The following OR4E2 variants were observed in gnomAD, a reference collection of about 807,000 sequenced individuals.
OR4E2 encodes olfactory receptor family 4 subfamily E member 2.
OR4E2 carries 9 observed loss-of-function variants against 11.0 expected under a neutral mutation model. The ratio of observed to expected loss-of-function variants is 0.82; its 90% confidence interval spans 0.49 to 1.43. OR4E2 has a LOEUF of 1.43. Ranked by LOEUF, OR4E2 falls within the 40% of genes most tolerant of loss-of-function variation. OR4E2 has a pLI of 0.00. For synonymous variants in OR4E2, 159 were observed against 147.3 expected, an observed-to-expected ratio of 1.08 and a Z score of -0.57; for missense variants, 441 against 382.0, an observed-to-expected ratio of 1.15 and a Z score of -1.29.
At chr14:21,658,407 A>G (rs1027637929) in intron 2 of OR4E2, among the ~76,000 whole-genome samples, 1 of 152,206 alleles carries the variant, frequency 6.6e-6, no homozygotes. Context: ...TTACAAATCC[A>G]TTTGAGGCTA....
chr14:21,654,413 CAT>C (rs1263305700), intron 1 of OR4E2, among the ~76,000 whole-genome samples: 1 of 124,168 alleles, frequency 8.1e-6, no homozygotes, highest in African/African-American at 2.8e-5. Flanking sequence ...CACACACACA[CAT>C]GCACACACAC....
intron 2 of OR4E2, among the ~76,000 whole-genome samples, chr14:21,657,337 GCTTCCTTCCTTCCTTC>G (rs544921356): frequency 2.8e-4 from 31 of 112,398 alleles, no homozygotes; most frequent in Middle Eastern, 4.3e-3. Flanking sequence ...GATGTTAAAT[GCTTCCTTCCTTCCTTC>G]CTTCCTTCCT....
At chr14:21,660,561 C>G (rs1043980883) in intron 2 of OR4E2, 92 bp from the exon 3 acceptor site, 1 of 151,826 alleles carries the variant, frequency 6.6e-6, no homozygotes, top group African/African-American at 2.4e-5. Flanking sequence ...AAAGTAAAGA[C>G]TTCACTTACA....
At position 21,653,883 on chromosome 14, in the gene OR4E2, T is replaced by G. The variant is rs1879783183; in HGVS notation, c.-247T>G. ...AGTTTCATGATTTTATATCCTAGGC[T>G]TCTATAATAGGGTATCAGAGGCGAA... On this transcript the variant is annotated 5_prime_UTR_variant, in exon 1 of 4. Transcript: ENST00000641524. 1 of 152,222 alleles carries G rather than the reference T, an allele frequency of 6.6e-6. No homozygotes were observed. The highest frequency in any genetic ancestry group is 1.5e-5 in the Non-Finnish European group (1 of 68,038). 9.4% of individuals were successfully genotyped at this position (152,222 alleles called of 1,614,324 possible).
intron 3 of OR4E2, among the ~76,000 whole-genome samples, chr14:21,661,590 A>G (rs555582174): frequency 1.4e-4 from 22 of 152,346 alleles, no homozygotes; most frequent in Admixed American, 9.1e-4. Flanking sequence ...GAAATTCTGA[A>G]TTGATGGTTT....
chr14:21,665,252 C>G lies in OR4E2; in HGVS notation c.170C>G (p.Thr57Ser). 6.2e-7 allele frequency: 1 copy of G among 1,613,968 alleles called. No individual in the cohort carries two copies. ...IATVFTPSLH[T>S]PMYFFLSNLS... The stretch of plus-strand genomic sequence containing the variant: ...ACAGTCTTTACTCCAAGTCTCCATA[C>G]CCCCATGTATTTCTTCCTGAGCAAT... Residue 57 changes from threonine (T) to serine (S), a missense_variant, in exon 4 of 4, where the codon ACC (threonine) becomes AGC (serine). Coordinates refer to ENST00000641524, the MANE Select transcript of OR4E2 (RefSeq NM_001001912.3).
chr14:21,659,215 T>C (rs1456847105), intron 2 of OR4E2, among the ~76,000 whole-genome samples: 1 of 152,078 alleles, frequency 6.6e-6, no homozygotes, highest in Non-Finnish European at 1.5e-5. Flanking sequence ...TTAAAATTTT[T>C]GTAGAGATGC....
Position 21,665,860 on chromosome 14 carries a change from C to A in OR4E2, c.778C>A (p.Arg260=), listed in dbSNP as rs370388172. The part of the protein sequence containing the change: ...FFGPCIFIYT[R]PDTSFSIDKV... ...TGGGCCATGTATCTTCATCTATACT[C>A]GGCCAGACACCAGCTTCTCCATTGA... Residue 260 remains arginine, a synonymous_variant, in exon 4 of 4, where the codon CGG becomes AGG. Transcript: ENST00000641524. 6.2e-7 allele frequency: 1 copy of A among 1,609,002 alleles called. No homozygotes were observed. The highest frequency in any genetic ancestry group is 1.3e-5 in the African/African-American group (1 of 74,692).
In OR4E2 at chr14:21,665,633, T is replaced by A; in HGVS notation, c.551T>A (p.Val184Asp). Reference sequence around the variant, plus strand: ...AGCTACTTCTGTGATGTGCCTCTTGTTATCAAGCTGGCCTGCACAGATACA... The same window carrying A: ...AGCTACTTCTGTGATGTGCCTCTTGATATCAAGCTGGCCTGCACAGATACA... ...IDSYFCDVPLVIKLACTDTYL... is the reference protein window; with the variant it reads ...IDSYFCDVPLDIKLACTDTYL... Residue 184 changes from valine (V) to aspartate (D), a missense_variant, in exon 4 of 4, where the codon GTT becomes GAT. By Grantham distance (152) the Val-to-Asp change is radical (BLOSUM62 -3). Coordinates refer to ENST00000641524, the MANE Select transcript of OR4E2 (RefSeq NM_001001912.3). The A allele has an allele frequency of 1.9e-6, 3 of 1,614,110 alleles. No individual in the cohort carries two copies. The highest frequency in any genetic ancestry group is 2.5e-6 in the Non-Finnish European group (3 of 1,179,996).
intron 2 of OR4E2, among the ~76,000 whole-genome samples, chr14:21,658,774 AAG>A (rs1880153627): frequency 2.0e-5 from 3 of 152,158 alleles, no homozygotes; most frequent in African/African-American, 7.2e-5. Context: ...AAGGTAGACA[AAG>A]AGCAGGAAGA....
chr14:21,655,322 ATAGAC>A lies in OR4E2; in HGVS notation c.-190-1177_-190-1173del, dbSNP rs566498624. Among the ~76,000 whole-genome samples the A allele has an allele frequency of 1.1e-3, 160 of 152,328 alleles. 1 individual carries two copies. Among genetic ancestry groups the A allele is most frequent in the Non-Finnish European group, 1.8e-3 (122 of 68,024 alleles). ...TATTTATTAGTTCTGATGCACAAGA[ATAGAC>A]TAAGACAAATTGGCTTTGATTTGCC... is the stretch of plus-strand genomic sequence containing the variant. On this transcript the variant is annotated intron_variant, in intron 1 of 3. Coordinates refer to ENST00000641524, the MANE Select transcript of OR4E2 (RefSeq NM_001001912.3).
chr14:21,654,850 G>A (rs1405034269), intron 1 of OR4E2, among the ~76,000 whole-genome samples: 2 of 152,070 alleles, frequency 1.3e-5, no homozygotes, highest in Non-Finnish European at 2.9e-5. Context: ...AGGGCTGCAG[G>A]CTGGAAATTC....
chr14:21,665,559 G>C lies in OR4E2; in HGVS notation c.477G>C (p.Gln159His), dbSNP rs774320830. 6 of 1,614,102 alleles carry C rather than the reference G, an allele frequency of 3.7e-6. No individual in the cohort carries two copies. The East Asian group carries it at 1.3e-4, about 36-fold the overall frequency. Residue 159 changes from glutamine (Q) to histidine (H), a missense_variant, in exon 4 of 4, where the codon CAG (glutamine) becomes CAC (histidine). By Grantham distance (24) the Gln-to-His change is conservative. Transcript: ENST00000641524. ...WLGGTVHSLG[Q>H]TFLTIRLPYC... ...GGGGTACTGTTCACTCACTAGGGCA[G>C]ACCTTCTTGACTATTCGTCTACCTT...
At position 21,665,087 on chromosome 14, in the gene OR4E2, A is replaced by T. The variant is rs878933384; in HGVS notation, c.5A>T (p.Asp2Val). M[D>V]SLNQTRVTEF... ...TTTCCCCCCTAAGCTCATTGAATGG[A>T]CAGTCTAAACCAAACAAGAGTGACT... Residue 2 changes from aspartate (D) to valine (V), a missense_variant, in exon 4 of 4, where the codon GAC becomes GTC. Physicochemically the swap from Asp to Val is radical, Grantham distance 152. Coordinates refer to ENST00000641524, the MANE Select transcript of OR4E2 (RefSeq NM_001001912.3). 6.3e-7 allele frequency: 1 copy of T among 1,588,846 alleles called. No individual in the cohort carries two copies. Among genetic ancestry groups the T allele is most frequent in the South Asian group, 1.1e-5 (1 of 88,748 alleles).
At chr14:21,660,828 T>A (rs781213344) in intron 3 of OR4E2, 82 bp downstream of exon 3, 6 of 152,084 alleles carry the variant, frequency 3.9e-5, no homozygotes, top group African/African-American at 7.2e-5. Flanking sequence ...ACCATTATTT[T>A]TAATAGTGAG....
chr14:21,665,817 G>A lies in OR4E2; in HGVS notation c.735G>A (p.Met245Ile), dbSNP rs752858367. Reference sequence around the variant, plus strand: ...TGTCTACCTGCTCGGCCCACTTCATGGTGGTTGCCCTCTTCTTTGGGCCAT... The same window carrying A: ...TGTCTACCTGCTCGGCCCACTTCATAGTGGTTGCCCTCTTCTTTGGGCCAT... ...KALSTCSAHFMVVALFFGPCI... is the reference protein window; with the variant it reads ...KALSTCSAHFIVVALFFGPCI... The change falls in exon 4 of 4, where the codon ATG becomes ATA. Residue 245 changes from methionine (M) to isoleucine (I), a missense_variant. Physicochemically the swap from Met to Ile is conservative, Grantham distance 10. Transcript: ENST00000641524. 1.2e-6 allele frequency: 2 copies of A among 1,613,410 alleles called. No individual in the cohort carries two copies. The highest frequency in any genetic ancestry group is 1.7e-6 in the Non-Finnish European group (2 of 1,179,618).
intron 2 of OR4E2, among the ~76,000 whole-genome samples, chr14:21,656,931 A>T (rs1362145963): frequency 6.6e-6 from 1 of 152,164 alleles, no homozygotes; most frequent in Non-Finnish European, 1.5e-5. Context: ...TCTTTTTCCT[A>T]GTTATCGAAC....
At chr14:21,657,576 C>CCCCTT (rs76936369) in intron 2 of OR4E2, among the ~76,000 whole-genome samples, 19,776 of 128,742 alleles carry the variant, frequency 0.15, 2,453 homozygotes, top group East Asian at 0.45. Context: ...TCTCTCTCTC[C>CCCCTT]CCCTTCCCTT....
intron 2 of OR4E2, 37 bp from the exon 3 acceptor site, chr14:21,660,616 G>A (rs1031046615): frequency 1.3e-4 from 18 of 139,400 alleles, no homozygotes; most frequent in Non-Finnish European, 2.6e-4. Flanking sequence ...TTAGTGAAAT[G>A]ATTTAATCTG....
Sources: allele counts gnomAD v4.1 joint callset (sites outside exome capture counted in the v4.1 genomes callset), GRCh38; gene constraint gnomAD v4.1.1; transcripts MANE v1.5; gene names NCBI Gene and HGNC (gene_info 2026-07-23, HGNC 2026-07-21).